Variants in RUFY3 observed in about 807,000 individuals in gnomAD.
RUFY3 encodes the protein RUN and FYVE domain containing 3.
Under a neutral mutation model 84.0 loss-of-function variants are expected in RUFY3, and 34 were observed. The observed-to-expected ratio is 0.40, with a 90% CI of 0.31 to 0.54. RUFY3 has a LOEUF of 0.54. Ranked by LOEUF, RUFY3 falls within the 20% of genes least tolerant of loss-of-function variation. The pLI is 0.39. For missense variants in RUFY3, 507 were observed against 736.8 expected (o/e 0.69, Z 3.61); for synonymous variants, 242 against 252.9 (o/e 0.96, Z 0.41).
At position 70,789,508 on chromosome 4, in the gene RUFY3, G is replaced by C; in HGVS notation, c.1253G>C (p.Gly418Ala). The C allele has an allele frequency of 6.2e-7, 1 of 1,612,160 alleles. No individual in the cohort carries two copies. The highest frequency in any genetic ancestry group is 1.1e-5 in the South Asian group (1 of 90,810). ...TTTCCATAACAGAGTTCAGACTTAG[G>C]AGTAAAACAGAAAAGTGAACTAAAC... Reference protein sequence around the residue: ...LAFKLQSSDLGVKQKSELNSR... With the variant: ...LAFKLQSSDLAVKQKSELNSR... Residue 418 changes from glycine to alanine, a missense_variant, in exon 12 of 18, where the codon GGA becomes GCA. Coordinates refer to ENST00000381006, the MANE Select transcript of RUFY3 (RefSeq NM_001037442.4).
At chr4:70,732,144 C>A (rs1446795735) in intron 1 of RUFY3, among the ~76,000 whole-genome samples, 1 of 152,234 alleles carries the variant, frequency 6.6e-6, no homozygotes, top group Non-Finnish European at 1.5e-5. Context: ...CTCCCTTCAT[C>A]TACAAGTCCT....
chr4:70,797,283 C>T (rs992615907), intron 14 of RUFY3, among the ~76,000 whole-genome samples: 1 of 152,032 alleles, frequency 6.6e-6, no homozygotes, highest in Non-Finnish European at 1.5e-5. Context: ...TTTTTAGTGA[C>T]TCAAACCAAA....
intron 1 of RUFY3, 92 bp downstream of exon 1, chr4:70,722,843 A>C (rs1717588804): frequency 2.4e-6 from 3 of 1,234,432 alleles, no homozygotes; most frequent in Middle Eastern, 2.0e-4. Context: ...GAAAGAACCT[A>C]CACTCTCAAC....
intron 3 of RUFY3, among the ~76,000 whole-genome samples, chr4:70,764,213 A>T (rs568819868): frequency 1.3e-5 from 2 of 152,340 alleles, no homozygotes; most frequent in Admixed American, 6.5e-5. Flanking sequence ...CTGATGGAAC[A>T]TTTTTAGTTG....
chr4:70,762,392 A>T, intron 1 of RUFY3, 127 bp from the exon 2 acceptor site: 2 of 741,120 alleles, frequency 2.7e-6, no homozygotes, highest in Non-Finnish European at 4.4e-6. Context: ...CATTGAGGAT[A>T]TTCTTAAAGG....
chr4:70,748,659 G>C (rs1427026380), intron 1 of RUFY3, among the ~76,000 whole-genome samples: 1 of 152,154 alleles, frequency 6.6e-6, no homozygotes, highest in African/African-American at 2.4e-5. Flanking sequence ...CTGAGCATCT[G>C]CATATCTGTG....
In RUFY3 at chr4:70,727,829, C is replaced by A. The variant is rs144343362; in HGVS notation, c.178+5078C>A. On this transcript the variant is annotated intron_variant, in intron 1 of 17. Coordinates refer to ENST00000381006, the MANE Select transcript of RUFY3 (RefSeq NM_001037442.4). The stretch of plus-strand genomic sequence containing the variant: ...ATTTTTTTAAAGAAATTCACCAATA[C>A]ATGTTATGTATACGCATGTCCACAT... Among the ~76,000 whole-genome samples, 156 of 151,102 alleles carry A rather than the reference C, an allele frequency of 1.0e-3. 1 individual carries two copies. The highest frequency in any genetic ancestry group is 3.6e-3 in the African/African-American group (147 of 41,210).
chr4:70,787,329 C>T (rs1176368605), intron 10 of RUFY3, among the ~76,000 whole-genome samples: 7 of 145,756 alleles, frequency 4.8e-5, no homozygotes, highest in African/African-American at 1.8e-4. Context: ...GTAGTCTCAG[C>T]TCACTGCAAC....
chr4:70,796,917 A>G (rs1254453868), intron 14 of RUFY3, among the ~76,000 whole-genome samples: 1 of 151,552 alleles, frequency 6.6e-6, no homozygotes. Flanking sequence ...TTACTCTGAT[A>G]GGGGCTCTTT....
At chr4:70,754,085 G>C (rs1036711373) in intron 1 of RUFY3, among the ~76,000 whole-genome samples, 2 of 148,554 alleles carry the variant, frequency 1.3e-5, no homozygotes, top group African/African-American at 5.0e-5. Context: ...TTTTGCTGTT[G>C]TCGCCCAGGC....
intron 8 of RUFY3, among the ~76,000 whole-genome samples, chr4:70,782,572 T>C (rs573835916): frequency 6.6e-6 from 1 of 151,916 alleles, no homozygotes; most frequent in African/African-American, 2.4e-5. Flanking sequence ...CATGAGCCAC[T>C]GCACCTGGCC....
At position 70,705,104 on chromosome 4, in the gene RUFY3, GC is replaced by G; in HGVS notation, c.171del (p.Asp58ThrfsTer47). ...CGGCCTCCCCCGCCGGGCAGTCGGAGCCCGACTCGCCGGTGGCCGCCCCCTT... is the reference window on the plus strand; with the variant it reads ...CGGCCTCCCCCGCCGGGCAGTCGGAGCCGACTCGCCGGTGGCCGCCCCCTT... On this transcript the variant is annotated frameshift_variant, in exon 1 of 12. Transcript: ENST00000417478. LOFTEE classifies it high-confidence loss of function. 7.1e-7 allele frequency: 1 copy of G among 1,417,348 alleles called. No individual in the cohort carries two copies. The highest frequency in any genetic ancestry group is 9.2e-7 in the Non-Finnish European group (1 of 1,087,198). 87.8% of individuals were successfully genotyped at this position (1,417,348 alleles called of 1,614,324 possible). A position where few individuals can be genotyped will look rare whatever the true frequency, so the allele number is the denominator to read the frequency against.
At chr4:70,721,684 T>C (rs1033513835), upstream of RUFY3, among the ~76,000 whole-genome samples, 1 of 152,240 alleles carries the variant, frequency 6.6e-6, no homozygotes, top group Admixed American at 6.5e-5. Context: ...TAAATTAATC[T>C]AACTGCCTCT....
intron 10 of RUFY3, among the ~76,000 whole-genome samples, chr4:70,787,365 C>A (rs1417379479): frequency 6.7e-6 from 1 of 149,380 alleles, no homozygotes. Flanking sequence ...TCAAGAGATT[C>A]TCCTGCCTCA....
intron 1 of RUFY3, among the ~76,000 whole-genome samples, chr4:70,733,164 G>GAGAA (rs1267472924): frequency 8.9e-5 from 12 of 135,250 alleles, no homozygotes; most frequent in African/African-American, 3.1e-4. Flanking sequence ...GAGAGAGAGA[G>GAGAA]AGAAAGAAAG....
intron 6 of RUFY3, among the ~76,000 whole-genome samples, chr4:70,773,871 G>C (rs1727395646): frequency 6.6e-6 from 1 of 152,068 alleles, no homozygotes; most frequent in Admixed American, 6.6e-5. Flanking sequence ...TTAAAAACAT[G>C]GTCATTTTGA....
chr4:70,720,278 A>T (rs1399205920), upstream of RUFY3, among the ~76,000 whole-genome samples: 11 of 152,102 alleles, frequency 7.2e-5, no homozygotes, highest in Admixed American at 5.9e-4. Flanking sequence ...CAAACTCCTG[A>T]GCTCAAGCCA....
intron 1 of RUFY3, among the ~76,000 whole-genome samples, chr4:70,716,583 C>A (rs1274577536): frequency 6.6e-6 from 1 of 152,046 alleles, no homozygotes; most frequent in Admixed American, 6.6e-5. Context: ...GTGGCTCATG[C>A]CTGTAATTCC....
intron 1 of RUFY3, among the ~76,000 whole-genome samples, chr4:70,738,520 G>A (rs917778546): frequency 6.6e-6 from 1 of 150,718 alleles, no homozygotes; most frequent in Non-Finnish European, 1.5e-5. Context: ...GCGCCACCAC[G>A]CCCGGCTAAT....
Sources: allele counts gnomAD v4.1 joint callset (sites outside exome capture counted in the v4.1 genomes callset), GRCh38; gene constraint gnomAD v4.1.1; transcripts MANE v1.5; gene names NCBI Gene and HGNC (gene_info 2026-07-23, HGNC 2026-07-21).